Variants in HECTD4 observed in about 807,000 individuals in gnomAD.
HECTD4 encodes the protein probable E3 ubiquitin-protein ligase HECTD4.
HECTD4 carries 114 observed loss-of-function variants against 471.5 expected under a neutral mutation model. That is an observed-to-expected ratio of 0.24 (90% CI 0.21 to 0.28). The LOEUF is 0.28. HECTD4 is among the 10% of genes least tolerant of loss of function. The pLI is 1.00. For synonymous variants in HECTD4, 2,012 were observed against 2,256.0 expected (o/e 0.89, Z 3.07); for missense variants, 3,866 against 5,651.5 (o/e 0.68, Z 10.13).
chr12:112,199,750 G>C (rs1345466379), intron 55 of HECTD4, among the ~76,000 whole-genome samples: 71 of 152,202 alleles, frequency 4.7e-4, no homozygotes, highest in Non-Finnish European at 2.2e-4. Context: ...TAGGCACATA[G>C]AAAGCACTCA....
intron 19 of HECTD4, 40 bp downstream of exon 19, chr12:112,259,072 G>T: frequency 6.4e-7 from 1 of 1,552,552 alleles, no homozygotes; most frequent in Non-Finnish European, 8.7e-7. Context: ...GAAGCAGGTT[G>T]GCCAAAAAGC....
At position 112,193,089 on chromosome 12, in the gene HECTD4, T is replaced by TTC; in HGVS notation, c.9057_9058insGA (p.Lys3020GlufsTer31). The TTC allele has an allele frequency of 6.2e-7, 1 of 1,614,056 alleles. No homozygotes were observed. Among genetic ancestry groups the TTC allele is most frequent in the Non-Finnish European group, 8.5e-7 (1 of 1,179,910 alleles). The stretch of plus-strand genomic sequence containing the variant: ...TTGCGGAATCCAGATTGACTTTCTT[T>TTC]ACAAGACACAACAACAAAAGCTGCC... On this transcript the variant is annotated frameshift_variant, in exon 58 of 76. Transcript: ENST00000682272. LOFTEE classifies it high-confidence loss of function. The surrounding 1 kb of genome is among the most constrained non-coding windows in gnomAD (Gnocchi z 5.2).
chr12:112,326,030 C>T (rs1235695967), intron 1 of HECTD4, among the ~76,000 whole-genome samples: 5 of 152,108 alleles, frequency 3.3e-5, no homozygotes, highest in Admixed American at 1.3e-4. Flanking sequence ...CTCAAGCAAT[C>T]CTCCTGCCTC....
In HECTD4 at chr12:112,212,597, C is replaced by G; in HGVS notation, c.7519G>C (p.Gly2507Arg). Residue 2507 changes from glycine (G) to arginine (R), a missense_variant, in exon 49 of 76, where the codon GGA becomes CGA. This residue lies in a region of HECTD4 where 617 missense variants were observed against 915.1 expected (regional missense o/e 0.67). Coordinates refer to ENST00000682272, the MANE Select transcript of HECTD4 (RefSeq NM_001388303.1). ...TACACCCGGCCCTTGGCTGGCTGTC[C>G]CGGAGGAGGTGGAGTCCCCTCAGTT... ...ERTEGTPPPPGQPAKGRVYFT... is the reference protein window; with the variant it reads ...ERTEGTPPPPRQPAKGRVYFT... The G allele has an allele frequency of 6.2e-7, 1 of 1,613,828 alleles. No individual in the cohort carries two copies. Among genetic ancestry groups the G allele is most frequent in the Non-Finnish European group, 8.5e-7 (1 of 1,179,852 alleles).
At chr12:112,301,698 G>T (rs369047448) in intron 7 of HECTD4, among the ~76,000 whole-genome samples, 2 of 151,582 alleles carry the variant, frequency 1.3e-5, no homozygotes, top group East Asian at 3.9e-4. Flanking sequence ...ATTCCTTTTT[G>T]AGGCATCCTG....
intron 1 of HECTD4, among the ~76,000 whole-genome samples, chr12:112,375,807 G>A (rs868753934): frequency 3.3e-5 from 5 of 151,666 alleles, no homozygotes; most frequent in Middle Eastern, 6.8e-3. Flanking sequence ...GGTGGCTCAC[G>A]TCTGTAATCC....
intron 23 of HECTD4, 147 bp from the exon 24 acceptor site, chr12:112,251,281 C>G (rs2033878905): frequency 3.0e-6 from 2 of 658,140 alleles, no homozygotes; most frequent in South Asian, 2.6e-5. Flanking sequence ...GGTACAGCAC[C>G]CAAATCATGA....
intron 1 of HECTD4, among the ~76,000 whole-genome samples, chr12:112,341,674 T>C (rs1472441206): frequency 6.6e-6 from 1 of 152,318 alleles, no homozygotes; most frequent in East Asian, 1.9e-4. Flanking sequence ...AAAGAACAAA[T>C]GTTCAGAAAA....
intron 65 of HECTD4, 139 bp downstream of exon 65, chr12:112,176,457 G>GGAACCCA: frequency 1.6e-6 from 1 of 638,012 alleles, no homozygotes; most frequent in Non-Finnish European, 2.8e-6. Context: ...GATACCCCAG[G>GGAACCCA]GAACCCAGAG....
chr12:112,319,611 G>A lies in HECTD4; in HGVS notation c.309C>T (p.Ala103=). The A allele has an allele frequency of 1.4e-6, 2 of 1,418,216 alleles. No individual in the cohort carries two copies. The highest frequency in any genetic ancestry group is 1.8e-6 in the Non-Finnish European group (2 of 1,090,602). 87.9% of individuals were successfully genotyped at this position (1,418,216 alleles called of 1,614,324 possible). A position where few individuals can be genotyped will look rare whatever the true frequency, so the allele number is the denominator to read the frequency against. ...RLNALRGLWN[A]QRQLALEEQH... ...GTTCTTCTAAGGCCAGCTGGCGCTG[G>A]GCATTCCACAGTCCTCGCAAGGCAT... Residue 103 remains alanine (A), a synonymous_variant, in exon 2 of 76, where the codon GCC becomes GCT. Transcript: ENST00000682272. The surrounding 1 kb of genome is among the most constrained non-coding windows in gnomAD (Gnocchi z 5.3).
intron 32 of HECTD4, among the ~76,000 whole-genome samples, chr12:112,242,233 A>G (rs949491419): frequency 6.6e-6 from 1 of 152,244 alleles, no homozygotes; most frequent in Non-Finnish European, 1.5e-5. Flanking sequence ...CAATAAAGAC[A>G]AATGAACCTA....
chr12:112,182,924 A>C (rs1225799542), intron 62 of HECTD4, 135 bp downstream of exon 62: 1 of 658,610 alleles, frequency 1.5e-6, no homozygotes, highest in African/African-American at 1.8e-5. Context: ...AGTAGCTGCC[A>C]AATTTCTCTT....
chr12:112,342,591 CTTAA>C (rs1389680273), intron 1 of HECTD4, among the ~76,000 whole-genome samples: 1 of 152,172 alleles, frequency 6.6e-6, no homozygotes. Flanking sequence ...ATTGCCTGAT[CTTAA>C]TGCTGCTTTT....
In HECTD4 at chr12:112,184,470, C is replaced by A; in HGVS notation, c.10496G>T (p.Gly3499Val). 2 of 1,605,652 alleles carry A rather than the reference C, an allele frequency of 1.2e-6. No homozygotes were observed. The highest frequency in any genetic ancestry group is 1.1e-5 in the South Asian group (1 of 90,632). Residue 3499 changes from glycine (G) to valine (V), a missense_variant, in exon 61 of 76, where the codon GGC becomes GTC. By Grantham distance (109) the Gly-to-Val change is moderately radical (BLOSUM62 -3). Around this residue, in one of 16 missense-constraint regions of HECTD4, gnomAD observed 192 missense variants for 189.9 expected, o/e 1.01. Transcript: ENST00000682272. The surrounding 1 kb of genome is among the most constrained non-coding windows in gnomAD (Gnocchi z 9.1). ...TSQASICSSQ[G>V]ISQTVSDLSV... Reference sequence around the variant, plus strand: ...GAGGTCGCTGACGGTTTGGGAGATGCCCTGCGAGCTGCAGATGGAGGCCTG... The same window carrying A: ...GAGGTCGCTGACGGTTTGGGAGATGACCTGCGAGCTGCAGATGGAGGCCTG...
Position 112,179,302 on chromosome 12 carries a change from G to T in HECTD4, c.11083C>A (p.Pro3695Thr). ...EQTLSLTPAK[P>T]IRVSDIYLSK... ...AGATAAATGTCAGAGACTCTGATGG[G>T]CTTCGCTGGTGTCAGGCTCAGCGTC... The change falls in exon 63 of 76, where the codon CCC (proline) becomes ACC (threonine). Residue 3695 changes from proline to threonine, a missense_variant. Pro to Thr is a conservative substitution (Grantham distance 38). Transcript: ENST00000682272. The surrounding 1 kb of genome is among the most constrained non-coding windows in gnomAD (Gnocchi z 4.3). 3 of 1,613,388 alleles carry T rather than the reference G, an allele frequency of 1.9e-6. No individual in the cohort carries two copies. Among genetic ancestry groups the T allele is most frequent in the Non-Finnish European group, 2.5e-6 (3 of 1,179,664 alleles).
chr12:112,337,189 C>T (rs1461418045), intron 1 of HECTD4, among the ~76,000 whole-genome samples: 1 of 152,122 alleles, frequency 6.6e-6, no homozygotes, highest in African/African-American at 2.4e-5. Flanking sequence ...AAAAGACTTA[C>T]CTCTAAGGCA....
At chr12:112,320,301 T>A (rs6489837) in intron 1 of HECTD4, among the ~76,000 whole-genome samples, 23,557 of 151,988 alleles carry the variant, frequency 0.15, 2,427 homozygotes, top group African/African-American at 0.3. Context: ...TGCCCTGCAC[T>A]ACAGCCTGAG....
chr12:112,251,204 C>A, intron 23 of HECTD4, 70 bp from the exon 24 acceptor site: 3 of 1,466,974 alleles, frequency 2.0e-6, no homozygotes, highest in Non-Finnish European at 1.9e-6. Flanking sequence ...TGTGCTGCCC[C>A]ACACTGCACT....
chr12:112,164,623 CTT>C (rs1167611597), intron 72 of HECTD4, among the ~76,000 whole-genome samples: 9 of 143,496 alleles, frequency 6.3e-5, no homozygotes, highest in African/African-American at 7.6e-5. Flanking sequence ...ATTATGCTTG[CTT>C]TTTTTTTTTT....
Sources: gnomAD v4.1 joint callset for allele counts (sites outside exome capture counted in the v4.1 genomes callset) on GRCh38, gnomAD v4.1.1 for gene constraint, gnomAD v4.1.1 regional missense constraint, Gnocchi (gnomAD v3.1) non-coding constraint, MANE v1.5 for transcripts, NCBI Gene and HGNC (gene_info 2026-07-23, HGNC 2026-07-21) for gene names.